KCNIP1: variants seen among roughly 807,000 people sequenced by gnomAD.
KCNIP1 encodes potassium voltage-gated channel interacting protein 1.
In KCNIP1, 18 loss-of-function variants were observed where a neutral mutation model predicts 33.0. The observed-to-expected ratio is 0.55, with a 90% CI of 0.38 to 0.81. The LOEUF is 0.81. Ranked by LOEUF, KCNIP1 falls within the 30% of genes least tolerant of loss-of-function variation. The pLI is 0.00. For synonymous variants in KCNIP1, 93 were observed against 98.3 expected (o/e 0.95, Z 0.32); for missense variants, 238 against 271.6 (o/e 0.88, Z 0.87).
intron 1 of KCNIP1, among the ~76,000 whole-genome samples, chr5:170,434,880 A>G (rs1387587191): frequency 6.6e-6 from 1 of 152,176 alleles, no homozygotes; most frequent in East Asian, 1.9e-4. Context: ...ACTTGAACCC[A>G]GGAAGGGGAG....
At chr5:170,474,557 C>A (rs576167458) in intron 1 of KCNIP1, among the ~76,000 whole-genome samples, 14 of 152,212 alleles carry the variant, frequency 9.2e-5, no homozygotes, top group Admixed American at 3.3e-4. Flanking sequence ...TATCGAGCAC[C>A]TAGTAAGCAC....
intron 1 of KCNIP1, among the ~76,000 whole-genome samples, chr5:170,448,678 G>GT (rs1457254482): frequency 4.6e-5 from 7 of 152,160 alleles, no homozygotes; most frequent in African/African-American, 1.7e-4. Context: ...AAATAATAGT[G>GT]TATGAGCTGG....
intron 1 of KCNIP1, chr5:170,378,813 G>T: frequency 1.2e-6 from 2 of 1,614,240 alleles, no homozygotes; most frequent in South Asian, 2.2e-5. Flanking sequence ...GAAGAGGAGG[G>T]CCTGGGGCCC....
intron 1 of KCNIP1, among the ~76,000 whole-genome samples, chr5:170,493,773 C>T (rs1328721052): frequency 1.3e-5 from 2 of 152,180 alleles, no homozygotes; most frequent in Admixed American, 6.5e-5. Context: ...CTGGCCTGGC[C>T]CTCTCCCCAT....
intron 1 of KCNIP1, among the ~76,000 whole-genome samples, chr5:170,510,213 T>C (rs549451156): frequency 6.6e-6 from 1 of 152,358 alleles, no homozygotes; most frequent in African/African-American, 2.4e-5. Context: ...TAGCTGCTGC[T>C]GCTTCCCTTA....
chr5:170,489,671 A>C lies in KCNIP1; in HGVS notation c.88+135707A>C, dbSNP rs539201824. Among the ~76,000 whole-genome samples the C allele has an allele frequency of 1.3e-5, 2 of 152,310 alleles. No individual in the cohort carries two copies. Among genetic ancestry groups the C allele is most frequent in the East Asian group, 3.9e-4 (2 of 5,178 alleles). ...TGAAGTTGAAAGGTAGCAATCACTC[A>C]TACTCCTCTCCCATGAACAATTTGA... On this transcript the variant is annotated intron_variant, in intron 1 of 7. Transcript: ENST00000377360. This position sits in a 1 kb window ranked among gnomAD's most constrained non-coding sequence, Gnocchi z 4.3.
At chr5:170,409,268 G>A (rs558619524) in intron 1 of KCNIP1, among the ~76,000 whole-genome samples, 39 of 152,220 alleles carry the variant, frequency 2.6e-4, no homozygotes, top group African/African-American at 8.9e-4. Context: ...TCCTTGGCTG[G>A]GAGTGGGTTC....
chr5:170,696,506 A>G (rs893383887), intron 1 of KCNIP1, among the ~76,000 whole-genome samples: 3 of 152,178 alleles, frequency 2.0e-5, no homozygotes, highest in African/African-American at 7.2e-5. Flanking sequence ...TGTCTGGGGA[A>G]GACAGAAAAA....
At chr5:170,441,824 C>T (rs1188131220) in intron 1 of KCNIP1, among the ~76,000 whole-genome samples, 2 of 152,004 alleles carry the variant, frequency 1.3e-5, no homozygotes, top group African/African-American at 4.8e-5. Context: ...TGGTGGCGGG[C>T]ACCTGTAGTC....
intron 7 of KCNIP1, among the ~76,000 whole-genome samples, chr5:170,735,402 T>C (rs1024094017): frequency 6.6e-6 from 1 of 152,334 alleles, no homozygotes; most frequent in East Asian, 1.9e-4. Context: ...ATTCCAGGAA[T>C]GCAAGGTTGG....
intron 1 of KCNIP1, among the ~76,000 whole-genome samples, chr5:170,423,568 CA>C (rs1755544233): frequency 6.6e-6 from 1 of 152,142 alleles, no homozygotes; most frequent in Admixed American, 6.5e-5. Flanking sequence ...TGTTTCAAAA[CA>C]AAACCAAAAA....
chr5:170,446,030 C>G (rs909844318), intron 1 of KCNIP1, among the ~76,000 whole-genome samples: 7 of 152,200 alleles, frequency 4.6e-5, no homozygotes, highest in African/African-American at 1.7e-4. Flanking sequence ...CCTGGAGAAA[C>G]TGACAGTGTA....
At chr5:170,395,947 G>A (rs1344726661) in intron 1 of KCNIP1, among the ~76,000 whole-genome samples, 1 of 152,218 alleles carries the variant, frequency 6.6e-6, no homozygotes, top group Non-Finnish European at 1.5e-5. Flanking sequence ...GTGTGCTGCA[G>A]CTGGCTCACA....
At chr5:170,444,441 C>G (rs1224103835) in intron 1 of KCNIP1, among the ~76,000 whole-genome samples, 1 of 152,154 alleles carries the variant, frequency 6.6e-6, no homozygotes, top group Non-Finnish European at 1.5e-5. Flanking sequence ...CCAGATAACC[C>G]GGGGTAATCT....
chr5:170,498,308 C>G (rs1757349393), intron 1 of KCNIP1, among the ~76,000 whole-genome samples: 1 of 152,228 alleles, frequency 6.6e-6, no homozygotes. Context: ...GTTCTCCTTG[C>G]AAACATGAGG....
At chr5:170,451,714 TCTC>T (rs754021171) in intron 1 of KCNIP1, among the ~76,000 whole-genome samples, 10 of 149,188 alleles carry the variant, frequency 6.7e-5, no homozygotes, top group Non-Finnish European at 1.5e-4. Flanking sequence ...TGCTTCAGCT[TCTC>T]CTGCATTGTG....
chr5:170,603,652 C>A (rs767032737), intron 1 of KCNIP1, among the ~76,000 whole-genome samples: 1 of 152,018 alleles, frequency 6.6e-6, no homozygotes, highest in African/African-American at 2.4e-5. Context: ...GACCAGCTAG[C>A]CAGATAGAGA....
chr5:170,358,813 C>T (rs527484853), intron 1 of KCNIP1, among the ~76,000 whole-genome samples: 46 of 152,252 alleles, frequency 3.0e-4, no homozygotes, highest in African/African-American at 9.4e-4. Flanking sequence ...AGCTAAGTGT[C>T]GTGGCTCCCC....
intron 1 of KCNIP1, among the ~76,000 whole-genome samples, chr5:170,484,968 T>G (rs2113177914): frequency 6.7e-6 from 1 of 149,522 alleles, no homozygotes; most frequent in South Asian, 2.1e-4. Context: ...GAGATGGAGT[T>G]TCACTCTTGT....
Sources: allele counts gnomAD v4.1 joint callset (sites outside exome capture counted in the v4.1 genomes callset), GRCh38; gene constraint gnomAD v4.1.1; non-coding constraint Gnocchi (gnomAD v3.1); transcripts MANE v1.5; gene names NCBI Gene and HGNC (gene_info 2026-07-23, HGNC 2026-07-21).